Variants in ROBO1 observed in about 807,000 individuals in gnomAD.
ROBO1 encodes roundabout homolog 1.
In ROBO1, 149 loss-of-function variants were observed where a neutral mutation model predicts 195.9. The observed-to-expected ratio is 0.76, with a 90% CI of 0.67 to 0.87. ROBO1 has a LOEUF of 0.87. ROBO1 is among the 40% of genes least tolerant of loss of function. ROBO1 has a pLI of 0.00. For missense variants in ROBO1, 1,933 were observed against 2,068.3 expected (o/e 0.93, Z 1.27); for synonymous variants, 816 against 733.2 (o/e 1.11, Z -1.82).
chr3:79,738,555 G>A (rs968636688), intron 1 of ROBO1, among the ~76,000 whole-genome samples: 11 of 152,116 alleles, frequency 7.2e-5, no homozygotes, highest in African/African-American at 1.9e-4. Context: ...ATTCGTGTGA[G>A]AACTGCAATC....
At chr3:79,219,317 CAA>C (rs1309379118) in intron 2 of ROBO1, among the ~76,000 whole-genome samples, 2 of 151,914 alleles carry the variant, frequency 1.3e-5, no homozygotes, top group Non-Finnish European at 2.9e-5. Flanking sequence ...AAAAATATGT[CAA>C]GTGATATCTA....
chr3:79,649,051 C>T (rs1184433159), intron 1 of ROBO1, among the ~76,000 whole-genome samples: 2 of 151,966 alleles, frequency 1.3e-5, no homozygotes, highest in African/African-American at 2.4e-5. Flanking sequence ...TCTATTTGAC[C>T]CAAATTTGAA....
chr3:78,899,062 T>C (rs2037428090), intron 4 of ROBO1, among the ~76,000 whole-genome samples: 1 of 152,210 alleles, frequency 6.6e-6, no homozygotes. Context: ...TCCAATGTCC[T>C]GTGCTAGGAC....
chr3:79,129,827 A>G (rs1047849881), intron 2 of ROBO1, among the ~76,000 whole-genome samples: 3 of 150,976 alleles, frequency 2.0e-5, no homozygotes, highest in Admixed American at 6.6e-5. Flanking sequence ...TAACGTTTAA[A>G]TCTTTAATCC....
At chr3:78,761,009 G>A (rs1334536224) in intron 4 of ROBO1, among the ~76,000 whole-genome samples, 1 of 151,446 alleles carries the variant, frequency 6.6e-6, no homozygotes, top group Non-Finnish European at 1.5e-5. Context: ...AATTATTATT[G>A]AGTTATTAAA....
At chr3:79,357,255 G>A (rs561527505) in intron 2 of ROBO1, among the ~76,000 whole-genome samples, 1 of 152,168 alleles carries the variant, frequency 6.6e-6, no homozygotes, top group East Asian at 1.9e-4. Flanking sequence ...AAGTTACTTT[G>A]GATTTACAAA....
At position 79,560,023 on chromosome 3, in the gene ROBO1, AAAG is replaced by A. The variant is rs557945957; in HGVS notation, c.88+29798_88+29800del. On this transcript the variant is annotated intron_variant, in intron 2 of 30. Transcript: ENST00000464233. ...CAGATAAGAATATACTTTATGTTAA[AAAG>A]AAGGATACTATTGTCTTCAGCAATG... Among the ~76,000 whole-genome samples, 40 of 152,246 alleles carry A rather than the reference AAAG, an allele frequency of 2.6e-4. No homozygotes were observed. In the East Asian group the frequency reaches 5.6e-3, roughly 21 times the overall value.
intron 3 of ROBO1, among the ~76,000 whole-genome samples, chr3:78,986,397 CT>C (rs913159348): frequency 2.1e-4 from 31 of 144,942 alleles, no homozygotes; most frequent in Middle Eastern, 3.4e-3. Flanking sequence ...TTTTTTTTTT[CT>C]TTTTTTTTCC....
At chr3:79,580,496 T>C (rs1011281081) in intron 2 of ROBO1, among the ~76,000 whole-genome samples, 11 of 151,744 alleles carry the variant, frequency 7.2e-5, no homozygotes, top group African/African-American at 2.7e-4. Context: ...AATAAATAAA[T>C]AAACACACAA....
intron 2 of ROBO1, among the ~76,000 whole-genome samples, chr3:79,213,816 C>CTTTTTT (rs59942369): frequency 8.2e-4 from 61 of 74,568 alleles, no homozygotes; most frequent in African/African-American, 1.1e-3. Context: ...TCTCCCCTTT[C>CTTTTTT]TTTTTTTTTT....
intron 2 of ROBO1, among the ~76,000 whole-genome samples, chr3:79,382,288 C>G (rs548711972): frequency 6.6e-6 from 1 of 151,976 alleles, no homozygotes; most frequent in East Asian, 1.9e-4. Flanking sequence ...ACCTACTGTA[C>G]AACTTATAAT....
chr3:79,400,360 T>C (rs1358563631), intron 2 of ROBO1, among the ~76,000 whole-genome samples: 1 of 152,046 alleles, frequency 6.6e-6, no homozygotes, highest in African/African-American at 2.4e-5. Flanking sequence ...CATGTTCTAA[T>C]TGCATTATTT....
rs796285349 is a variant in ROBO1, at chr3:78,686,274, C to T, written c.1171-357G>A. Among the ~76,000 whole-genome samples, 21 of 152,000 alleles carry T rather than the reference C, an allele frequency of 1.4e-4. No homozygotes were observed. The East Asian group carries it at 1.5e-3, about 11-fold the overall frequency. On this transcript the variant is annotated intron_variant, in intron 9 of 30. Transcript: ENST00000464233. ...TAGATATATAAGAATATTAAGTATCCGGCCGGGCGCGGTGGCTTACACCTG... is the reference window on the plus strand; with the variant it reads ...TAGATATATAAGAATATTAAGTATCTGGCCGGGCGCGGTGGCTTACACCTG...
chr3:78,945,243 G>A (rs1318331873), intron 3 of ROBO1, among the ~76,000 whole-genome samples: 3 of 152,168 alleles, frequency 2.0e-5, no homozygotes, highest in Non-Finnish European at 2.9e-5. Context: ...CCTGACCCCC[G>A]AGTAGCCTAA....
chr3:79,191,638 G>A (rs1346522766), intron 2 of ROBO1, among the ~76,000 whole-genome samples: 3 of 151,274 alleles, frequency 2.0e-5, no homozygotes, highest in Non-Finnish European at 3.0e-5. Flanking sequence ...ATTTCTCATG[G>A]AAATTAATGT....
At chr3:79,046,674 C>A (rs2078600346) in intron 3 of ROBO1, among the ~76,000 whole-genome samples, 1 of 151,954 alleles carries the variant, frequency 6.6e-6, no homozygotes, top group African/African-American at 2.4e-5. Context: ...CTAGGTCTGT[C>A]TCTCCTTTTC....
intron 1 of ROBO1, among the ~76,000 whole-genome samples, chr3:79,765,897 A>C (rs971378223): frequency 2.0e-5 from 3 of 151,992 alleles, no homozygotes; most frequent in Non-Finnish European, 4.4e-5. Flanking sequence ...ACCTCCCACC[A>C]CTACTTGGAA....
intron 3 of ROBO1, chr3:79,018,587 AAG>A (rs1204358515): frequency 6.9e-5 from 103 of 1,499,414 alleles, no homozygotes; most frequent in Non-Finnish European, 4.5e-6. Flanking sequence ...TCAATTAGCC[AAG>A]AGTTTTCAGG....
intron 3 of ROBO1, among the ~76,000 whole-genome samples, chr3:79,014,749 T>C (rs2077880493): frequency 6.6e-6 from 1 of 152,250 alleles, no homozygotes; most frequent in African/African-American, 2.4e-5. Context: ...TATATTTTCC[T>C]ATATGAAATC....
Sources: allele counts gnomAD v4.1 joint callset (sites outside exome capture counted in the v4.1 genomes callset), GRCh38; gene constraint gnomAD v4.1.1; transcripts MANE v1.5; gene names NCBI Gene and HGNC (gene_info 2026-07-23, HGNC 2026-07-21).